PLEKHM2: variants seen among roughly 807,000 people sequenced by gnomAD.
PLEKHM2 encodes the protein pleckstrin homology and RUN domain containing M2.
A neutral mutation model predicts 116.3 loss-of-function variants in PLEKHM2; 77 were observed. That is an observed-to-expected ratio of 0.66 (90% CI 0.55 to 0.80). PLEKHM2 has a LOEUF of 0.80. Among genes scored for constraint, PLEKHM2 ranks in the 30% least tolerant of loss-of-function variants. The probability of loss-of-function intolerance (pLI) is 0.00; values close to 1 mark genes in which losing one functional copy is unlikely to be tolerated. For missense variants in PLEKHM2, 1,183 were observed against 1,354.9 expected (o/e 0.87, Z 1.99); for synonymous variants, 562 against 571.0 (o/e 0.98, Z 0.22).
At chr1:15,690,901 C>G (rs530154572) in intron 1 of PLEKHM2, among the ~76,000 whole-genome samples, 14 of 152,244 alleles carry the variant, frequency 9.2e-5, no homozygotes, top group South Asian at 2.1e-4. Flanking sequence ...TAGACAAATA[C>G]AGAGATGATT....
chr1:15,683,964 T>TG (rs1640701446), upstream of PLEKHM2, among the ~76,000 whole-genome samples: 1 of 134,500 alleles, frequency 7.4e-6, no homozygotes, highest in South Asian at 2.5e-4. Flanking sequence ...CCAGGGTCTG[T>TG]GGGGGTCTCT....
intron 1 of PLEKHM2, among the ~76,000 whole-genome samples, chr1:15,698,508 A>G (rs1052044691): frequency 1.1e-4 from 17 of 149,236 alleles, no homozygotes; most frequent in Non-Finnish European, 1.8e-4. Context: ...CCCAGCCAAC[A>G]GCATTTTTGT....
chr1:15,731,749 T>G, intron 16 of PLEKHM2, 140 bp from the exon 17 acceptor site: 1 of 693,348 alleles, frequency 1.4e-6, no homozygotes, highest in Non-Finnish European at 2.4e-6. Context: ...TGGAGGGGCC[T>G]GGAGAACCCT....
In PLEKHM2 at chr1:15,718,516, C is replaced by T. The variant is rs370752827; in HGVS notation, c.378-22C>T. On this transcript the variant is annotated intron_variant, in intron 4 of 19. Coordinates refer to ENST00000375799, the MANE Select transcript of PLEKHM2 (RefSeq NM_015164.4). ...TGGTAAACAGACCCAGAGGCACCAT[C>T]GTGGCTTCTCATGTCTTGCAGGAAT... 7.1e-5 allele frequency: 104 copies of T among 1,465,826 alleles called. 1 individual carries two copies. The highest frequency in any genetic ancestry group is 6.0e-4 in the African/African-American group (43 of 71,466). The allele number at this position is 1,465,826 out of a possible 1,614,324, so 90.8% of individuals were successfully genotyped here.
intron 1 of PLEKHM2, among the ~76,000 whole-genome samples, chr1:15,697,160 TCTC>T (rs1461378508): frequency 6.6e-6 from 1 of 152,164 alleles, no homozygotes; most frequent in East Asian, 1.9e-4. Flanking sequence ...AAAACTCCCT[TCTC>T]CTCCGCCAGT....
Position 15,717,984 on chromosome 1 carries a change from C to G in PLEKHM2, c.369C>G (p.Tyr123Ter). ...AGAACCTGGGCCTGCTGCATAAGTA[C>G]TACGTCAAGTGAGTGTCTGGGACGG... ...FQENLGLLHK[Y>*]YVKNALVCSH... Residue 123 changes from tyrosine (Y) to a stop codon, truncating the protein, a stop_gained, in exon 4 of 20, where the codon TAC (tyrosine) becomes TAG (stop). Coordinates refer to ENST00000375799, the MANE Select transcript of PLEKHM2 (RefSeq NM_015164.4). LOFTEE classifies it high-confidence loss of function. The G allele has an allele frequency of 6.3e-7, 1 of 1,585,012 alleles. No individual in the cohort carries two copies. The highest frequency in any genetic ancestry group is 8.6e-7 in the Non-Finnish European group (1 of 1,163,460).
At chr1:15,715,600 C>T (rs1334857295) in intron 1 of PLEKHM2, among the ~76,000 whole-genome samples, 1 of 152,212 alleles carries the variant, frequency 6.6e-6, no homozygotes, top group African/African-American at 2.4e-5. Flanking sequence ...GAGATCATGC[C>T]ACTGCCCTCC....
intron 19 of PLEKHM2, among the ~76,000 whole-genome samples, chr1:15,733,540 G>A (rs886505869): frequency 6.6e-6 from 1 of 152,252 alleles, no homozygotes; most frequent in African/African-American, 2.4e-5. Context: ...AGAGTGCAGC[G>A]CCTGCCTCGC....
intron 1 of PLEKHM2, among the ~76,000 whole-genome samples, chr1:15,694,874 C>T (rs1640962546): frequency 6.6e-6 from 1 of 152,034 alleles, no homozygotes; most frequent in African/African-American, 2.4e-5. Flanking sequence ...TCTCCTGCCT[C>T]AGCCTCCCAA....
intron 1 of PLEKHM2, among the ~76,000 whole-genome samples, chr1:15,693,042 CTTT>C (rs922212762): frequency 3.2e-5 from 4 of 126,914 alleles, no homozygotes; most frequent in Admixed American, 8.2e-5. Flanking sequence ...CCTAGCCACA[CTTT>C]TTTTTTTTTT....
In PLEKHM2 at chr1:15,727,572, T is replaced by C; in HGVS notation, c.1500T>C (p.Ala500=). Residue 500 remains alanine (A), a synonymous_variant, in exon 9 of 20, where the codon GCT becomes GCC. Coordinates refer to ENST00000375799, the MANE Select transcript of PLEKHM2 (RefSeq NM_015164.4). This position sits in a 1 kb window ranked among gnomAD's most constrained non-coding sequence, Gnocchi z 7.5. Reference sequence around the variant, plus strand: ...ATGTTCCTAGTAGCCCTGAGGCTGCTGGCCAAGAAGAAGAGGGAGGAGGAG... The same window carrying C: ...ATGTTCCTAGTAGCCCTGAGGCTGCCGGCCAAGAAGAAGAGGGAGGAGGAG... The part of the protein sequence containing the change: ...PLHVPSSPEA[A]GQEEEGGGGE... The C allele has an allele frequency of 1.9e-6, 3 of 1,576,436 alleles. No homozygotes were observed. The highest frequency in any genetic ancestry group is 2.6e-6 in the Non-Finnish European group (3 of 1,161,660).
intron 1 of PLEKHM2, among the ~76,000 whole-genome samples, chr1:15,703,311 A>T (rs994284313): frequency 5.9e-5 from 9 of 152,000 alleles, no homozygotes; most frequent in Non-Finnish European, 1.2e-4. Context: ...CCAGGCAGTT[A>T]AACAGGCACG....
At chr1:15,732,125 A>C in intron 17 of PLEKHM2, 77 bp downstream of exon 17, 2 of 1,384,236 alleles carry the variant, frequency 1.4e-6, no homozygotes, top group Non-Finnish European at 2.0e-6. Context: ...CCCTAAACCC[A>C]TAGTCACAGA....
chr1:15,713,258 T>C (rs1377065195), intron 1 of PLEKHM2, among the ~76,000 whole-genome samples: 1 of 152,174 alleles, frequency 6.6e-6, no homozygotes, highest in African/African-American at 2.4e-5. Context: ...GTGGCATTCC[T>C]TTTTTTCTTA....
Position 15,732,507 on chromosome 1 carries a change from C to G in PLEKHM2, c.2783C>G (p.Pro928Arg). 6.2e-7 allele frequency: 1 copy of G among 1,609,494 alleles called. No individual in the cohort carries two copies. Among genetic ancestry groups the G allele is most frequent in the Non-Finnish European group, 8.5e-7 (1 of 1,178,228 alleles). The change falls in exon 18 of 20, where the codon CCG (proline) becomes CGG (arginine). Residue 928 changes from proline (P) to arginine (R), a missense_variant. Pro to Arg is a moderately radical substitution (Grantham distance 103). Around this residue, in one of 3 missense-constraint regions of PLEKHM2, gnomAD observed 594 missense variants for 720.1 expected, o/e 0.82. Coordinates refer to ENST00000375799, the MANE Select transcript of PLEKHM2 (RefSeq NM_015164.4). ...GACATCAGCGCCGTCTCCACCGAGC[C>G]GGGCAAGGAGTACTGCGTCTTGGTG... Reference protein sequence around the residue: ...LGDISAVSTEPGKEYCVLEFS... With the variant: ...LGDISAVSTERGKEYCVLEFS...
At chr1:15,732,877 C>T (rs1384867535) in intron 19 of PLEKHM2, 149 bp downstream of exon 19, 1 of 612,752 alleles carries the variant, frequency 1.6e-6, no homozygotes, top group Non-Finnish European at 2.9e-6. Flanking sequence ...CTGCCTCAGC[C>T]CCGGGGGTGA....
chr1:15,709,445 G>A (rs1040817533), intron 1 of PLEKHM2, among the ~76,000 whole-genome samples: 12 of 152,112 alleles, frequency 7.9e-5, no homozygotes, highest in African/African-American at 2.9e-4. Flanking sequence ...TTACCTTTAT[G>A]TGCTTTGCTA....
chr1:15,703,516 A>C (rs1177150771), intron 1 of PLEKHM2, among the ~76,000 whole-genome samples: 2 of 152,136 alleles, frequency 1.3e-5, no homozygotes, highest in Admixed American at 6.6e-5. Flanking sequence ...GGGAGAAAGG[A>C]AGGACGTCAC....
chr1:15,687,960 G>C (rs1261213976), intron 1 of PLEKHM2, among the ~76,000 whole-genome samples: 1 of 152,188 alleles, frequency 6.6e-6, no homozygotes, highest in Non-Finnish European at 1.5e-5. Flanking sequence ...TTCTATATTT[G>C]CAAAGAGTAC....
Sources: allele counts gnomAD v4.1 joint callset (sites outside exome capture counted in the v4.1 genomes callset), GRCh38; gene constraint gnomAD v4.1.1; regional missense constraint gnomAD v4.1.1; non-coding constraint Gnocchi (gnomAD v3.1); transcripts MANE v1.5; gene names NCBI Gene and HGNC (gene_info 2026-07-23, HGNC 2026-07-21).